SYDE1: variants seen among roughly 807,000 people sequenced by gnomAD.
The protein encoded by SYDE1 is rho GTPase-activating protein SYDE1.
A neutral mutation model predicts 63.3 loss-of-function variants in SYDE1; 34 were observed. The observed-to-expected ratio is 0.54, with a 90% CI of 0.41 to 0.71. The LOEUF is 0.71. Ranked by LOEUF, SYDE1 falls within the 30% of genes least tolerant of loss-of-function variation. The pLI is 0.00. For synonymous variants in SYDE1, 467 were observed against 473.4 expected (o/e 0.99, Z 0.18); for missense variants, 925 against 1,042.5 (o/e 0.89, Z 1.55).
chr19:15,110,128 C>G lies in SYDE1; in HGVS notation c.855C>G (p.Thr285=), dbSNP rs865964089. 7.1e-7 allele frequency: 1 copy of G among 1,406,542 alleles called. No individual in the cohort carries two copies. Among genetic ancestry groups the G allele is most frequent in the African/African-American group, 1.5e-5 (1 of 65,970 alleles). The allele number at this position is 1,406,542 out of a possible 1,614,324, so 87.1% of individuals were successfully genotyped here. Residue 285 remains threonine, a synonymous_variant, in exon 3 of 8, where the codon ACC becomes ACG. Transcript: ENST00000342784. The surrounding 1 kb of genome is among the most constrained non-coding windows in gnomAD (Gnocchi z 6.9). ...LGGLRPAPGA[T]PRDLCCLLQV... Reference sequence around the variant, plus strand: ...GGCTGCGGCCAGCGCCGGGGGCCACCCCCAGGGACCTCTGCTGCCTACTGC... The same window carrying G: ...GGCTGCGGCCAGCGCCGGGGGCCACGCCCAGGGACCTCTGCTGCCTACTGC...
Position 15,111,356 on chromosome 19 carries a change from A to G in SYDE1, c.1334A>G (p.Lys445Arg), listed in dbSNP as rs1337804494. Residue 445 changes from lysine (K) to arginine (R), a missense_variant, in exon 5 of 8, where the codon AAA becomes AGA. By Grantham distance (26) the Lys-to-Arg change is conservative (BLOSUM62 2). This residue lies in a region of SYDE1 where 599 missense variants were observed against 653.7 expected (regional missense o/e 0.92). Coordinates refer to ENST00000342784, the MANE Select transcript of SYDE1 (RefSeq NM_033025.6). The surrounding 1 kb of genome is among the most constrained non-coding windows in gnomAD (Gnocchi z 5.5). ...YRLCGSAAVKKELRDAFERDS... is the reference protein window; with the variant it reads ...YRLCGSAAVKRELRDAFERDS... Reference sequence around the variant, plus strand: ...CTTTGTGGCTCAGCGGCAGTGAAGAAAGAGCTTCGGGATGCCTTTGAGCGG... The same window carrying G: ...CTTTGTGGCTCAGCGGCAGTGAAGAGAGAGCTTCGGGATGCCTTTGAGCGG... 3.1e-6 allele frequency: 5 copies of G among 1,613,978 alleles called. No individual in the cohort carries two copies. The highest frequency in any genetic ancestry group is 1.1e-5 in the South Asian group (1 of 91,088).
rs1244125243 is a variant in SYDE1 at position 15,110,266 on chromosome 19, C to T, written c.993C>T (p.Ala331=). Residue 331 remains alanine, a synonymous_variant, in exon 3 of 8, where the codon GCC becomes GCT. Transcript: ENST00000342784. The surrounding 1 kb of genome is among the most constrained non-coding windows in gnomAD (Gnocchi z 6.9). ...TGGAGGCCGCCAGGCTCCTGCGCGCCCTGGTGCTTGCGTGGGACCCTGGCG... is the reference window on the plus strand; with the variant it reads ...TGGAGGCCGCCAGGCTCCTGCGCGCTCTGGTGCTTGCGTGGGACCCTGGCG... ...LELEAARLLR[A]LVLAWDPGVR... is the part of the protein sequence containing the mutation. 1 of 1,417,838 alleles carries T rather than the reference C, an allele frequency of 7.1e-7. No homozygotes were observed. Among genetic ancestry groups the T allele is most frequent in the Non-Finnish European group, 9.2e-7 (1 of 1,088,836 alleles). The allele number at this position is 1,417,838 out of a possible 1,614,324, so 87.8% of individuals were successfully genotyped here.
At position 15,113,925 on chromosome 19, in the gene SYDE1, G is replaced by A; in HGVS notation, c.2170G>A (p.Glu724Lys). 1 of 1,613,856 alleles carries A rather than the reference G, an allele frequency of 6.2e-7. No homozygotes were observed. Among genetic ancestry groups the A allele is most frequent in the South Asian group, 1.1e-5 (1 of 91,074 alleles). Residue 724 changes from glutamate to lysine, a missense_variant, in exon 8 of 8, where the codon GAG becomes AAG. Physicochemically the swap from Glu to Lys is moderately conservative, Grantham distance 56. Transcript: ENST00000342784. ...KDFDALILDL[E>K]RELSKQINVC... ...CTTCGACGCCCTCATCCTGGATCTGGAGAGAGAGCTCTCCAAGCAAATCAA... is the reference window on the plus strand; with the variant it reads ...CTTCGACGCCCTCATCCTGGATCTGAAGAGAGAGCTCTCCAAGCAAATCAA...
chr19:15,113,536 A>G (rs756358355), intron 7 of SYDE1, 24 bp from the exon 8 acceptor site: 10 of 1,514,372 alleles, frequency 6.6e-6, no homozygotes, highest in Non-Finnish European at 8.8e-6. Flanking sequence ...GCCTCTTTCT[A>G]TGACCTACCC....
At position 15,110,796 on chromosome 19, in the gene SYDE1, C is replaced by A; in HGVS notation, c.1290+61C>A. 1.5e-6 allele frequency: 2 copies of A among 1,372,214 alleles called. No individual in the cohort carries two copies. The highest frequency in any genetic ancestry group is 1.4e-5 in the African/African-American group (1 of 69,890). The allele number at this position is 1,372,214 out of a possible 1,614,324, so 85.0% of individuals were successfully genotyped here. ...AGACCTCAGACCACTCTTCAGGACA[C>A]CCTATGTACAGATGCCAGACCCCTA... On this transcript the variant is annotated intron_variant, in intron 4 of 7. Coordinates refer to ENST00000342784, the MANE Select transcript of SYDE1 (RefSeq NM_033025.6). This position sits in a 1 kb window ranked among gnomAD's most constrained non-coding sequence, Gnocchi z 6.9.
At position 15,110,544 on chromosome 19, in the gene SYDE1, G is replaced by C; in HGVS notation, c.1099G>C (p.Val367Leu). 1 of 1,591,114 alleles carries C rather than the reference G, an allele frequency of 6.3e-7. No individual in the cohort carries two copies. The highest frequency in any genetic ancestry group is 8.5e-7 in the Non-Finnish European group (1 of 1,171,502). ...AGGGTGCCAGGCCCAACAGCTGGCC[G>C]TGCGCCTGGAGCCTCAGGGGCTGCT... ...FRGCQAQQLA[V>L]RLEPQGLLYA... Residue 367 changes from valine (V) to leucine (L), a missense_variant, in exon 4 of 8, where the codon GTG (valine) becomes CTG (leucine). Val to Leu is a conservative substitution (Grantham distance 32, BLOSUM62 1). Transcript: ENST00000342784. The surrounding 1 kb of genome is among the most constrained non-coding windows in gnomAD (Gnocchi z 6.9).
chr19:15,112,586 A>G lies in SYDE1; in HGVS notation c.1804+15A>G. The G allele has an allele frequency of 1.3e-6, 2 of 1,541,724 alleles. No individual in the cohort carries two copies. Among genetic ancestry groups the G allele is most frequent in the South Asian group, 2.4e-5 (2 of 82,950 alleles). On this transcript the variant is annotated intron_variant, in intron 7 of 7. Coordinates refer to ENST00000342784, the MANE Select transcript of SYDE1 (RefSeq NM_033025.6). ...GTCTTGGCCAGGTGAGTTCATGCCC[A>G]GGGCCTGCACCACCAATCTGAGCCA...
chr19:15,111,354 G>A lies in SYDE1; in HGVS notation c.1332G>A (p.Lys444=), dbSNP rs746663982. 2.5e-6 allele frequency: 4 copies of A among 1,614,136 alleles called. No homozygotes were observed. The South Asian group carries it at 4.4e-5, about 18-fold the overall frequency. ...LYRLCGSAAV[K]KELRDAFERD... Reference sequence around the variant, plus strand: ...GTCTTTGTGGCTCAGCGGCAGTGAAGAAAGAGCTTCGGGATGCCTTTGAGC... The same window carrying A: ...GTCTTTGTGGCTCAGCGGCAGTGAAAAAAGAGCTTCGGGATGCCTTTGAGC... The change falls in exon 5 of 8, where the codon AAG becomes AAA. Residue 444 remains lysine, a synonymous_variant. Coordinates refer to ENST00000342784, the MANE Select transcript of SYDE1 (RefSeq NM_033025.6). This position sits in a 1 kb window ranked among gnomAD's most constrained non-coding sequence, Gnocchi z 5.5.
chr19:15,109,173 G>C lies in SYDE1; in HGVS notation c.206G>C (p.Arg69Pro), dbSNP rs373565036. 6.4e-7 allele frequency: 1 copy of C among 1,555,648 alleles called. No homozygotes were observed. Among genetic ancestry groups the C allele is most frequent in the South Asian group, 1.2e-5 (1 of 84,466 alleles). ...SSPEASRSPA[R>P]GAYLQSLEPS... ...CCCGAGGCATCAAGGAGCCCTGCAC[G>C]GGGAGCCTACCTGCAAAGCCTGGAG... The change falls in exon 2 of 8, where the codon CGG becomes CCG. Residue 69 changes from arginine to proline, a missense_variant. By Grantham distance (103) the Arg-to-Pro change is moderately radical. Transcript: ENST00000342784. The surrounding 1 kb of genome is among the most constrained non-coding windows in gnomAD (Gnocchi z 5.0).
At position 15,113,831 on chromosome 19, in the gene SYDE1, G is replaced by GC; in HGVS notation, c.2078dup (p.Arg694GlufsTer5). ...AGGACGAGGACGAGGAGGTCGGCGAGCCGAGGGTCACCGGTGACTTCGAAG... is the reference window on the plus strand; with the variant it reads ...AGGACGAGGACGAGGAGGTCGGCGAGCCCGAGGGTCACCGGTGACTTCGAAG... On this transcript the variant is annotated frameshift_variant, in exon 8 of 8. Coordinates refer to ENST00000342784, the MANE Select transcript of SYDE1 (RefSeq NM_033025.6). LOFTEE classifies it high-confidence loss of function. The GC allele has an allele frequency of 6.2e-7, 1 of 1,614,182 alleles. No individual in the cohort carries two copies. The highest frequency in any genetic ancestry group is 1.1e-5 in the South Asian group (1 of 91,090).
In SYDE1 at chr19:15,111,236, C is replaced by T. The variant is rs2046343805; in HGVS notation, c.1291-77C>T. 7 of 1,543,362 alleles carry T rather than the reference C, an allele frequency of 4.5e-6. No individual in the cohort carries two copies. Among genetic ancestry groups the T allele is most frequent in the East Asian group, 2.3e-5 (1 of 44,178 alleles). ...GCCCATTGCTGCCTGGCCCAGAATT[C>T]CAGTGCTCACCCCACTGGGCCCTGA... On this transcript the variant is annotated intron_variant, in intron 4 of 7. Coordinates refer to ENST00000342784, the MANE Select transcript of SYDE1 (RefSeq NM_033025.6). This position sits in a 1 kb window ranked among gnomAD's most constrained non-coding sequence, Gnocchi z 5.5.
chr19:15,111,585 C>T lies in SYDE1; in HGVS notation c.1418-47C>T, dbSNP rs1448059694. On this transcript the variant is annotated intron_variant, in intron 5 of 7. Coordinates refer to ENST00000342784, the MANE Select transcript of SYDE1 (RefSeq NM_033025.6). The surrounding 1 kb of genome is among the most constrained non-coding windows in gnomAD (Gnocchi z 5.5). Reference sequence around the variant, plus strand: ...CCCCCTTAGCTGTGCCCTCCTTAGCCTTAGAAGCCAGTGGTGCCCTGACCA... The same window carrying T: ...CCCCCTTAGCTGTGCCCTCCTTAGCTTTAGAAGCCAGTGGTGCCCTGACCA... The T allele has an allele frequency of 6.2e-7, 1 of 1,611,180 alleles. No individual in the cohort carries two copies. Among genetic ancestry groups the T allele is most frequent in the Admixed American group, 1.7e-5 (1 of 59,844 alleles).
Position 15,108,738 on chromosome 19 carries a change from A to C in SYDE1, c.89-318A>C. The C allele has an allele frequency of 1.1e-5, 3 of 276,930 alleles. No homozygotes were observed. The highest frequency in any genetic ancestry group is 2.2e-5 in the African/African-American group (1 of 45,844). The allele number at this position is 276,930 out of a possible 1,614,324, so 17.2% of individuals were successfully genotyped here. A position where few individuals can be genotyped will look rare whatever the true frequency, so the allele number is the denominator to read the frequency against. On this transcript the variant is annotated intron_variant, in intron 1 of 7. Coordinates refer to ENST00000342784, the MANE Select transcript of SYDE1 (RefSeq NM_033025.6). This position sits in a 1 kb window ranked among gnomAD's most constrained non-coding sequence, Gnocchi z 4.3. ...AGGTGCAAAGCTCCATGCCACGGTT[A>C]TTGAGAGGGTAGAGGAAGTGGAGAC...
chr19:15,110,421 A>C lies in SYDE1; in HGVS notation c.1075+73A>C. 1 of 1,470,006 alleles carries C rather than the reference A, an allele frequency of 6.8e-7. No individual in the cohort carries two copies. Among genetic ancestry groups the C allele is most frequent in the Non-Finnish European group, 9.0e-7 (1 of 1,106,056 alleles). 91.1% of individuals were successfully genotyped at this position (1,470,006 alleles called of 1,614,324 possible). On this transcript the variant is annotated intron_variant, in intron 3 of 7. Coordinates refer to ENST00000342784, the MANE Select transcript of SYDE1 (RefSeq NM_033025.6). This position sits in a 1 kb window ranked among gnomAD's most constrained non-coding sequence, Gnocchi z 6.9. ...CACCGCCACCCCCCGCAGAGTGCCT[A>C]GGGGGCTGGGCTCCGGGCGGAAGGT...
Position 15,110,045 on chromosome 19 carries a change from C to CGG in SYDE1, c.774_775dup (p.Ala259GlyfsTer83). ...GCCCTACGAGGTGGGTCCCGCAGCC[C>CGG]GGGCACCCCCGGCCGCACTCTGGGG... On this transcript the variant is annotated frameshift_variant, in exon 3 of 8. Coordinates refer to ENST00000342784, the MANE Select transcript of SYDE1 (RefSeq NM_033025.6). LOFTEE classifies it high-confidence loss of function. This position sits in a 1 kb window ranked among gnomAD's most constrained non-coding sequence, Gnocchi z 6.9. The CGG allele has an allele frequency of 6.7e-7, 1 of 1,500,426 alleles. No homozygotes were observed. The highest frequency in any genetic ancestry group is 8.8e-7 in the Non-Finnish European group (1 of 1,132,804). 92.9% of individuals were successfully genotyped at this position (1,500,426 alleles called of 1,614,324 possible).
Position 15,109,448 on chromosome 19 carries a change from T to A in SYDE1, c.430+51T>A. The A allele has an allele frequency of 6.8e-7, 1 of 1,481,268 alleles. No individual in the cohort carries two copies. The highest frequency in any genetic ancestry group is 9.0e-7 in the Non-Finnish European group (1 of 1,115,026). 91.8% of individuals were successfully genotyped at this position (1,481,268 alleles called of 1,614,324 possible). A position where few individuals can be genotyped will look rare whatever the true frequency, so the allele number is the denominator to read the frequency against. On this transcript the variant is annotated intron_variant, in intron 2 of 7. Coordinates refer to ENST00000342784, the MANE Select transcript of SYDE1 (RefSeq NM_033025.6). This position sits in a 1 kb window ranked among gnomAD's most constrained non-coding sequence, Gnocchi z 5.0. ...CCCCAAGGTGAGCACCAGCTCCACA[T>A]CCCTTCCCTTCAGGGTAGCACCAGC...
Position 15,107,477 on chromosome 19 carries a change from G to T in SYDE1, c.44G>T (p.Gly15Val). The change falls in exon 1 of 8, where the codon GGC becomes GTC. Residue 15 changes from glycine (G) to valine (V), a missense_variant. Physicochemically the swap from Gly to Val is moderately radical, Grantham distance 109. Coordinates refer to ENST00000342784, the MANE Select transcript of SYDE1 (RefSeq NM_033025.6). ...AGGAAAACCTTCTCCCGCCTGCGGG[G>T]CCGGGAGAAACTTCCCCGGAAAAAG... ...LLRKTFSRLRGREKLPRKKSD... is the reference protein window; with the variant it reads ...LLRKTFSRLRVREKLPRKKSD... 1 of 1,541,014 alleles carries T rather than the reference G, an allele frequency of 6.5e-7. No homozygotes were observed. Among genetic ancestry groups the T allele is most frequent in the Non-Finnish European group, 8.8e-7 (1 of 1,140,504 alleles).
In SYDE1 at chr19:15,111,879, C is replaced by A; in HGVS notation, c.1578+87C>A. 1 of 1,291,528 alleles carries A rather than the reference C, an allele frequency of 7.7e-7. No individual in the cohort carries two copies. The highest frequency in any genetic ancestry group is 1.1e-6 in the Non-Finnish European group (1 of 946,032). The allele number at this position is 1,291,528 out of a possible 1,614,324, so 80.0% of individuals were successfully genotyped here. The stretch of plus-strand genomic sequence containing the variant: ...CACCCATGCCTGGGCCTGAGATGGG[C>A]ATGAGCTGGCAGCATCATCATATCC... On this transcript the variant is annotated intron_variant, in intron 6 of 7. Transcript: ENST00000342784. This position sits in a 1 kb window ranked among gnomAD's most constrained non-coding sequence, Gnocchi z 5.5.
Position 15,110,405 on chromosome 19 carries a change from C to A in SYDE1, c.1075+57C>A, listed in dbSNP as rs894095417. The A allele has an allele frequency of 4.1e-6, 6 of 1,450,722 alleles. No individual in the cohort carries two copies. Among genetic ancestry groups the A allele is most frequent in the Non-Finnish European group, 1.8e-6 (2 of 1,100,682 alleles). The allele number at this position is 1,450,722 out of a possible 1,614,324, so 89.9% of individuals were successfully genotyped here. A position where few individuals can be genotyped will look rare whatever the true frequency, so the allele number is the denominator to read the frequency against. ...AGGGACCCCCAAACCCCACCGCCAC[C>A]CCCCGCAGAGTGCCTAGGGGGCTGG... On this transcript the variant is annotated intron_variant, in intron 3 of 7. Transcript: ENST00000342784. The surrounding 1 kb of genome is among the most constrained non-coding windows in gnomAD (Gnocchi z 6.9).
Sources: gnomAD v4.1 joint callset for allele counts on GRCh38, gnomAD v4.1.1 for gene constraint, gnomAD v4.1.1 regional missense constraint, Gnocchi (gnomAD v3.1) non-coding constraint, MANE v1.5 for transcripts, NCBI Gene and HGNC (gene_info 2026-07-23, HGNC 2026-07-21) for gene names.